The following NOL6 variants were observed in gnomAD, a reference collection of about 807,000 sequenced individuals.
The protein encoded by NOL6 is nucleolar RNA-associated protein.
In NOL6, 33 loss-of-function variants were observed where a neutral mutation model predicts 131.7. That is an observed-to-expected ratio of 0.25 (90% confidence interval 0.19 to 0.33). The LOEUF is 0.33. NOL6 is among the 10% of genes least tolerant of loss of function. NOL6 has a pLI of 1.00. For synonymous variants in NOL6, 580 were observed against 605.7 expected (o/e 0.96, Z 0.62); for missense variants, 1,297 against 1,494.5 (o/e 0.87, Z 2.18).
At position 33,473,910 on chromosome 9, in the gene NOL6, T is replaced by G; in HGVS notation, c.-68A>C. ...GGTCTATACCTCATAGCTTCCCACG[T>G]GGGCGGAAATGCCTAACTCCAGGCC... On this transcript the variant is annotated 5_prime_UTR_variant, in exon 1 of 26. Coordinates refer to ENST00000297990, the MANE Select transcript of NOL6 (RefSeq NM_022917.5). The G allele has an allele frequency of 6.4e-7, 1 of 1,569,858 alleles. No individual in the cohort carries two copies. Among genetic ancestry groups the G allele is most frequent in the South Asian group, 1.1e-5 (1 of 89,156 alleles).
In NOL6 at chr9:33,462,753, T is replaced by C. The variant is rs1305791410; in HGVS notation, c.3352A>G (p.Asn1118Asp). The change falls in exon 26 of 26, where the codon AAT (asparagine) becomes GAT (aspartate). Residue 1118 changes from asparagine to aspartate, a missense_variant. By Grantham distance (23) the Asn-to-Asp change is conservative. Coordinates refer to ENST00000297990, the MANE Select transcript of NOL6 (RefSeq NM_022917.5). The stretch of plus-strand genomic sequence containing the variant: ...AAGTCCTCCAGGATTGCTTCAACAT[T>C]GGGCACCATTACTAGCTCCCCACCT... ...SRGGELVMVP[N>D]VEAILEDFAV... The C allele has an allele frequency of 6.2e-7, 1 of 1,613,970 alleles. No individual in the cohort carries two copies. Among genetic ancestry groups the C allele is most frequent in the Non-Finnish European group, 8.5e-7 (1 of 1,179,998 alleles).
rs76961637 is a variant in NOL6, at chr9:33,468,427, G to C, written c.1207-5C>G. ...GTGGAAGTCAGCCAGGGCCGGCTTG[G>C]GGGGTGTAGAGAGAAGCAGGTCAGG... On this transcript the variant is annotated splice_polypyrimidine_tract_variant and splice_region_variant and intron_variant, in intron 9 of 25. Coordinates refer to ENST00000297990, the MANE Select transcript of NOL6 (RefSeq NM_022917.5). 6,327 of 1,614,054 alleles carry C rather than the reference G, an allele frequency of 3.9e-3. 217 individuals carry two copies. In the African/African-American group the frequency reaches 0.074, roughly 19 times the overall value.
rs377536777 is a variant in NOL6, at chr9:33,462,833, G to A, written c.3292-20C>T. 3 of 1,613,496 alleles carry A rather than the reference G, an allele frequency of 1.9e-6. No homozygotes were observed. The highest frequency in any genetic ancestry group is 2.5e-6 in the Non-Finnish European group (3 of 1,179,746). ...GGAGGCCTGGGGAAATCAGAGAAGA[G>A]ATGTGGGTTGAGTGTCACAGCGGCA... On this transcript the variant is annotated intron_variant, in intron 25 of 25. Transcript: ENST00000297990.
rs757187490 is a variant in NOL6, at chr9:33,462,160, T to C, written c.*504A>G. On this transcript the variant is annotated 3_prime_UTR_variant, in exon 26 of 26. Transcript: ENST00000297990. ...TCATACACATATAGCCCCTTTCCACTGCTCAGTGTCGGTGATGTGACTCAG... is the reference window on the plus strand; with the variant it reads ...TCATACACATATAGCCCCTTTCCACCGCTCAGTGTCGGTGATGTGACTCAG... 1.4e-6 allele frequency: 1 copy of C among 717,522 alleles called. No individual in the cohort carries two copies. Among genetic ancestry groups the C allele is most frequent in the South Asian group, 1.5e-5 (1 of 67,600 alleles). 44.4% of individuals were successfully genotyped at this position (717,522 alleles called of 1,614,324 possible). A position where few individuals can be genotyped will look rare whatever the true frequency, so the allele number is the denominator to read the frequency against.
chr9:33,465,071 G>A, intron 20 of NOL6, 95 bp from the exon 21 acceptor site: 2 of 1,427,762 alleles, frequency 1.4e-6, no homozygotes, highest in Non-Finnish European at 1.9e-6. Flanking sequence ...GTGTGGATTG[G>A]CAGGGCAGGG....
rs1827284698 is a variant in NOL6 at position 33,467,681 on chromosome 9, A to G, written c.1602+10T>C. 2 of 1,552,124 alleles carry G rather than the reference A, an allele frequency of 1.3e-6. No homozygotes were observed. Among genetic ancestry groups the G allele is most frequent in the African/African-American group, 2.7e-5 (2 of 73,014 alleles). ...CTCAGACCCAAACTCCCCAACCTACACCACCTCACCTCTGGGACTGGGGGT... is the reference window on the plus strand; with the variant it reads ...CTCAGACCCAAACTCCCCAACCTACGCCACCTCACCTCTGGGACTGGGGGT... On this transcript the variant is annotated intron_variant, in intron 12 of 25. Transcript: ENST00000297990. This position sits in a 1 kb window ranked among gnomAD's most constrained non-coding sequence, Gnocchi z 4.4.
intron 3 of NOL6, among the ~76,000 whole-genome samples, chr9:33,471,060 G>A (rs1187329268): frequency 6.6e-6 from 1 of 152,156 alleles, no homozygotes; most frequent in Non-Finnish European, 1.5e-5. Context: ...ATTACCTGAG[G>A]TCAGGAGTTC....
chr9:33,464,192 T>TG, intron 21 of NOL6, 31 bp from the exon 22 acceptor site: 2 of 1,577,664 alleles, frequency 1.3e-6, no homozygotes, highest in Non-Finnish European at 1.7e-6. Flanking sequence ...TGGGTCAGCC[T>TG]GCTCCTCCCT....
In NOL6 at chr9:33,469,504, G is replaced by GGCC; in HGVS notation, c.719_721dup (p.Arg240dup). 1 of 1,604,354 alleles carries GGCC rather than the reference G, an allele frequency of 6.2e-7. No individual in the cohort carries two copies. Among genetic ancestry groups the GGCC allele is most frequent in the Non-Finnish European group, 8.5e-7 (1 of 1,175,694 alleles). ...GCCCAATGTGTGCCTCTCACCACGC[G>GGCC]GCCGCAGCAACAGTGAGGGTTTCAG... On this transcript the variant is annotated inframe_insertion, in exon 5 of 26. Coordinates refer to ENST00000297990, the MANE Select transcript of NOL6 (RefSeq NM_022917.5).
chr9:33,464,105 C>A lies in NOL6; in HGVS notation c.2836G>T (p.Val946Phe). The change falls in exon 22 of 26, where the codon GTC (valine) becomes TTC (phenylalanine). Residue 946 changes from valine (V) to phenylalanine (F), a missense_variant. Coordinates refer to ENST00000297990, the MANE Select transcript of NOL6 (RefSeq NM_022917.5). ...GFLAARAQLPVMVIVTPQDRK... is the reference protein window; with the variant it reads ...GFLAARAQLPFMVIVTPQDRK... ...TCTTGGGGGGTAACAATGACCATGA[C>A]GGGGAGCTGTGCCCGAGCTGCCAGG... 6.2e-7 allele frequency: 1 copy of A among 1,613,518 alleles called. No individual in the cohort carries two copies. The highest frequency in any genetic ancestry group is 8.5e-7 in the Non-Finnish European group (1 of 1,179,788).
Position 33,467,258 on chromosome 9 carries a change from G to A in NOL6, c.1730C>T (p.Ala577Val). 2 of 1,614,120 alleles carry A rather than the reference G, an allele frequency of 1.2e-6. No homozygotes were observed. Among genetic ancestry groups the A allele is most frequent in the Non-Finnish European group, 1.7e-6 (2 of 1,180,002 alleles). ...GGATCCCCAGAACTGGCGGAATTTA[G>A]CAGCCTGAGGAGGCAAGGGTGGTAG... Reference protein sequence around the residue: ...LGPEADQPEAAKFRQFWGSRS... With the variant: ...LGPEADQPEAVKFRQFWGSRS... Residue 577 changes from alanine (A) to valine (V), a missense_variant, in exon 14 of 26, where the codon GCT becomes GTT. Coordinates refer to ENST00000297990, the MANE Select transcript of NOL6 (RefSeq NM_022917.5). The surrounding 1 kb of genome is among the most constrained non-coding windows in gnomAD (Gnocchi z 4.4).
chr9:33,470,244 T>G, intron 3 of NOL6, 53 bp from the exon 4 acceptor site: 1 of 1,407,864 alleles, frequency 7.1e-7, no homozygotes, highest in South Asian at 1.5e-5. Flanking sequence ...TCCTCACATG[T>G]ACCCTTTATG....
At position 33,463,902 on chromosome 9, in the gene NOL6, C is replaced by A; in HGVS notation, c.2923G>T (p.Val975Phe). ...ATGGGCAGGGCTTCAGCTGCCAGGA[C>A]CACAAGCTGCTGCAGGATCTGCGGG... ...PSAQILQQLV[V>F]LAAEALPMLE... The change falls in exon 23 of 26, where the codon GTC becomes TTC. Residue 975 changes from valine to phenylalanine, a missense_variant. Coordinates refer to ENST00000297990, the MANE Select transcript of NOL6 (RefSeq NM_022917.5). 2.5e-6 allele frequency: 4 copies of A among 1,614,132 alleles called. No individual in the cohort carries two copies. Among genetic ancestry groups the A allele is most frequent in the Non-Finnish European group, 3.4e-6 (4 of 1,180,012 alleles).
chr9:33,467,257 A>T lies in NOL6; in HGVS notation c.1731T>A (p.Ala577=), dbSNP rs890043435. The change falls in exon 14 of 26, where the codon GCT becomes GCA. Residue 577 remains alanine, a synonymous_variant. Coordinates refer to ENST00000297990, the MANE Select transcript of NOL6 (RefSeq NM_022917.5). This position sits in a 1 kb window ranked among gnomAD's most constrained non-coding sequence, Gnocchi z 4.4. The part of the protein sequence containing the change: ...LGPEADQPEA[A]KFRQFWGSRS... The stretch of plus-strand genomic sequence containing the variant: ...GGGATCCCCAGAACTGGCGGAATTT[A>T]GCAGCCTGAGGAGGCAAGGGTGGTA... The T allele has an allele frequency of 6.2e-7, 1 of 1,614,142 alleles. No individual in the cohort carries two copies. Among genetic ancestry groups the T allele is most frequent in the Non-Finnish European group, 8.5e-7 (1 of 1,179,992 alleles).
Position 33,472,330 on chromosome 9 carries a change from G to A in NOL6, c.137C>T (p.Ala46Val), listed in dbSNP as rs575702886. Residue 46 changes from alanine (A) to valine (V), a missense_variant, in exon 2 of 26, where the codon GCG becomes GTG. Coordinates refer to ENST00000297990, the MANE Select transcript of NOL6 (RefSeq NM_022917.5). The stretch of plus-strand genomic sequence containing the variant: ...CTTCACTGGCTGCAGGAGGCCCTTC[G>A]CTGGAGGTTCAGCCAATGTACGCTT... ...SRKRTLAEPPAKGLLQPVKLS... is the reference protein window; with the variant it reads ...SRKRTLAEPPVKGLLQPVKLS... 1.1e-5 allele frequency: 18 copies of A among 1,614,206 alleles called. No homozygotes were observed. Among genetic ancestry groups the A allele is most frequent in the East Asian group, 2.2e-5 (1 of 44,890 alleles).
chr9:33,471,515 C>T (rs1214035548), intron 3 of NOL6, among the ~76,000 whole-genome samples: 1 of 152,182 alleles, frequency 6.6e-6, no homozygotes, highest in Non-Finnish European at 1.5e-5. Flanking sequence ...GGCTGTTCCC[C>T]CTTCCTGGAA....
rs1167091276 is a variant in NOL6 at position 33,466,297 on chromosome 9, G to A, written c.2209+11C>T. 3 of 1,613,906 alleles carry A rather than the reference G, an allele frequency of 1.9e-6. No homozygotes were observed. The South Asian group carries it at 3.3e-5, about 18-fold the overall frequency. ...ACTATCCCTCCCACTCCCTCCCAAG[G>A]GCCCTCTTACCGGTCATGGGCTCCA... On this transcript the variant is annotated intron_variant, in intron 17 of 25. Transcript: ENST00000297990.
At chr9:33,465,118 C>G in intron 20 of NOL6, 89 bp downstream of exon 20, 1 of 1,506,380 alleles carries the variant, frequency 6.6e-7, no homozygotes. Flanking sequence ...CTCAACCACC[C>G]ATTCCCATGT....
intron 3 of NOL6, 34 bp downstream of exon 3, chr9:33,471,970 T>C (rs530001870): frequency 9.4e-6 from 14 of 1,496,732 alleles, no homozygotes; most frequent in Admixed American, 8.4e-5. Flanking sequence ...GAGGTCTCTC[T>C]TGGGCTTCCC....
Sources: allele counts gnomAD v4.1 joint callset (sites outside exome capture counted in the v4.1 genomes callset), GRCh38; gene constraint gnomAD v4.1.1; non-coding constraint Gnocchi (gnomAD v3.1); transcripts MANE v1.5; gene names NCBI Gene and HGNC (gene_info 2026-07-23, HGNC 2026-07-21).